Variants in RNF17 observed in about 807,000 individuals in gnomAD.
RNF17 encodes spermatogenesis associated 23.
In RNF17, 31 loss-of-function variants were observed where a neutral mutation model predicts 200.5. The ratio of observed to expected loss-of-function variants is 0.15; its 90% CI spans 0.12 to 0.21. RNF17 has a LOEUF of 0.21. Among genes scored for constraint, RNF17 ranks in the 10% least tolerant of loss-of-function variants. The pLI is 1.00. For missense variants in RNF17, 1,628 were observed against 1,905.1 expected, an observed-to-expected ratio of 0.85 and a Z score of 2.71; for synonymous variants, 606 against 637.8, an observed-to-expected ratio of 0.95 and a Z score of 0.75.
At chr13:24,883,264 T>G (rs747918711), downstream of RNF17, 10 of 1,614,132 alleles carry the variant, frequency 6.2e-6, no homozygotes, top group Non-Finnish European at 4.2e-6. Context: ...GATGACCGTT[T>G]GCATATACGG....
downstream of RNF17, chr13:24,884,523 TCTC>T: frequency 6.5e-7 from 1 of 1,542,960 alleles, no homozygotes; most frequent in Non-Finnish European, 9.0e-7. Context: ...TATGGCTAAT[TCTC>T]CTCCCAACTG....
the RNF17 span, among the ~76,000 whole-genome samples, chr13:24,748,466 A>G: frequency 7.9e-5 from 12 of 152,380 alleles, no homozygotes; most frequent in African/African-American, 2.9e-4. Context: ...TGTTCAAGAC[A>G]AAAACAACAA....
intron 18 of RNF17, among the ~76,000 whole-genome samples, chr13:24,835,609 A>T (rs1889903809): frequency 6.6e-6 from 1 of 152,206 alleles, no homozygotes; most frequent in Non-Finnish European, 1.5e-5. Context: ...AGCCACATCC[A>T]TAGGAAAAGG....
the RNF17 span, among the ~76,000 whole-genome samples, chr13:24,754,633 G>A: frequency 2.6e-5 from 4 of 152,124 alleles, no homozygotes; most frequent in Non-Finnish European, 5.9e-5. Context: ...GCTCATACCT[G>A]TAGTCCCGCA....
intron 23 of RNF17, among the ~76,000 whole-genome samples, 184 bp downstream of exon 23, chr13:24,850,627 T>C (rs1303419112): frequency 6.6e-6 from 1 of 152,250 alleles, no homozygotes; most frequent in Non-Finnish European, 1.5e-5. Flanking sequence ...ATTCTTTGCT[T>C]TCTTTTTTCT....
intron 5 of RNF17, among the ~76,000 whole-genome samples, chr13:24,781,014 C>T (rs1013651578): frequency 2.0e-5 from 3 of 152,094 alleles, no homozygotes; most frequent in African/African-American, 7.2e-5. Flanking sequence ...GAGACAAGAA[C>T]TTAGTTGCTT....
chr13:24,791,305 A>T (rs1883817550), intron 9 of RNF17, among the ~76,000 whole-genome samples: 1 of 152,136 alleles, frequency 6.6e-6, no homozygotes, highest in Admixed American at 6.6e-5. Context: ...CAAAATAGGG[A>T]AAATTAATAA....
In RNF17 at chr13:24,799,526, G is replaced by T. The variant is rs948361548; in HGVS notation, c.1531G>T (p.Ala511Ser). Residue 511 changes from alanine (A) to serine (S), a missense_variant, in exon 12 of 36, where the codon GCA becomes TCA. Coordinates refer to ENST00000255324, the MANE Select transcript of RNF17 (RefSeq NM_031277.3). Reference sequence around the variant, plus strand: ...AACCAGATTATTTGTCCATGAAGTTGCACTAATACAAATATTCATGGTAGA... The same window carrying T: ...AACCAGATTATTTGTCCATGAAGTTTCACTAATACAAATATTCATGGTAGA... ...SPTRLFVHEV[A>S]LIQIFMVDFG... 2 of 1,611,424 alleles carry T rather than the reference G, an allele frequency of 1.2e-6. No homozygotes were observed. Among genetic ancestry groups the T allele is most frequent in the Middle Eastern group, 3.3e-4 (2 of 6,048 alleles).
chr13:24,882,257 T>TAG (rs67643203), downstream of RNF17: 55 of 88,514 alleles, frequency 6.2e-4, 9 homozygotes, highest in Non-Finnish European at 9.5e-4. Flanking sequence ...TACATCTATA[T>TAG]ATAGATACAT....
At chr13:24,794,172 C>T in intron 10 of RNF17, 1 of 456,370 alleles carries the variant, frequency 2.2e-6, no homozygotes, top group South Asian at 1.6e-5. Flanking sequence ...CACAGATGAT[C>T]TTGGGGAGAC....
rs146048442 is a variant in RNF17, at chr13:24,852,041, C to T, written c.3320+470C>T. 8.3e-4 allele frequency among the ~76,000 whole-genome samples: 126 copies of T among 151,966 alleles called. 1 individual carries two copies. The highest frequency in any genetic ancestry group is 3.0e-3 in the African/African-American group (125 of 41,434). ...TTGAACAGTATTTACGTTTAAAGAT[C>T]CTTTCGGGTTCTATGTTTGGAGTTT... On this transcript the variant is annotated intron_variant, in intron 24 of 35. Coordinates refer to ENST00000255324, the MANE Select transcript of RNF17 (RefSeq NM_031277.3).
At chr13:24,781,576 C>T (rs978760430) in intron 5 of RNF17, among the ~76,000 whole-genome samples, 2 of 152,162 alleles carry the variant, frequency 1.3e-5, no homozygotes, top group Non-Finnish European at 2.9e-5. Context: ...TTCAAGGTTA[C>T]AGTGAGCTAT....
chr13:24,782,725 G>T lies in RNF17; in HGVS notation c.611+781G>T, dbSNP rs76180166. ...TGTGTGCATTTCTGTAGTCCCAGCT[G>T]CATGGGAAGCTGAGGTGGGAGGATT... On this transcript the variant is annotated intron_variant, in intron 6 of 35. Coordinates refer to ENST00000255324, the MANE Select transcript of RNF17 (RefSeq NM_031277.3). Among the ~76,000 whole-genome samples the T allele has an allele frequency of 9.2e-3, 1,397 of 152,202 alleles. 17 individuals are homozygous for T. The highest frequency in any genetic ancestry group is 0.032 in the African/African-American group (1,336 of 41,520).
intron 2 of RNF17, among the ~76,000 whole-genome samples, chr13:24,769,635 C>G (rs1406526823): frequency 7.2e-5 from 11 of 152,108 alleles, no homozygotes; most frequent in Admixed American, 1.3e-4. Flanking sequence ...TTAGTGAAGT[C>G]TGAATTTATG....
intron 15 of RNF17, among the ~76,000 whole-genome samples, chr13:24,811,434 C>G (rs532899675): frequency 6.6e-6 from 1 of 152,166 alleles, no homozygotes; most frequent in Non-Finnish European, 1.5e-5. Context: ...TTGATCGCAT[C>G]GGCTGCTGAG....
intron 10 of RNF17, among the ~76,000 whole-genome samples, chr13:24,794,461 C>T (rs1387704142): frequency 6.6e-6 from 1 of 152,066 alleles, no homozygotes; most frequent in African/African-American, 2.4e-5. Flanking sequence ...ATGATTTGAG[C>T]TCAGGAGTTC....
chr13:24,811,051 C>T (rs1377059620), intron 15 of RNF17, among the ~76,000 whole-genome samples: 2 of 152,062 alleles, frequency 1.3e-5, no homozygotes, highest in Non-Finnish European at 2.9e-5. Context: ...GTAACCCGAC[C>T]TTTCTCTCTG....
intron 19 of RNF17, 89 bp downstream of exon 19, chr13:24,842,250 T>C (rs1890719821): frequency 3.3e-6 from 4 of 1,194,304 alleles, no homozygotes; most frequent in South Asian, 1.5e-5. Flanking sequence ...TCATTCCCCA[T>C]TGGAGATGAG....
the RNF17 span, among the ~76,000 whole-genome samples, chr13:24,886,663 A>G: frequency 6.6e-6 from 1 of 152,194 alleles, no homozygotes; most frequent in African/African-American, 2.4e-5. Context: ...CAAGAATGTC[A>G]TGCTTCACCC....
Sources: allele counts gnomAD v4.1 joint callset (sites outside exome capture counted in the v4.1 genomes callset), GRCh38; gene constraint gnomAD v4.1.1; transcripts MANE v1.5; gene names NCBI Gene and HGNC (gene_info 2026-07-23, HGNC 2026-07-21).